DAB1: variants seen among roughly 807,000 people sequenced by gnomAD.
DAB1 encodes the protein DAB adaptor protein 1, also known as disabled homolog 1.
Under a neutral mutation model 64.6 loss-of-function variants are expected in DAB1, and 15 were observed. The ratio of observed to expected loss-of-function variants is 0.23; its 90% CI spans 0.16 to 0.36. The LOEUF (loss-of-function observed/expected upper bound fraction) is 0.36. DAB1 is among the 10% of genes least tolerant of loss of function. The probability of loss-of-function intolerance (pLI) is 1.00; values close to 1 mark genes in which losing one functional copy is unlikely to be tolerated. For missense variants in DAB1, 596 were observed against 706.7 expected, an observed-to-expected ratio of 0.84 and a Z score of 1.78; for synonymous variants, 235 against 251.9, an observed-to-expected ratio of 0.93 and a Z score of 0.64.
chr1:57,477,158 C>T (rs1322909962), intron 7 of DAB1, among the ~76,000 whole-genome samples: 1 of 152,176 alleles, frequency 6.6e-6, no homozygotes, highest in Non-Finnish European at 1.5e-5. Context: ...CACAGAAGGC[C>T]TTACAGGTGG....
intron 7 of DAB1, among the ~76,000 whole-genome samples, chr1:57,547,645 C>T (rs1644870518): frequency 6.6e-6 from 1 of 152,084 alleles, no homozygotes; most frequent in South Asian, 2.1e-4. Context: ...TTTTAACAAA[C>T]AAATATGCAC....
chr1:57,316,880 C>T (rs1342988228), intron 1 of DAB1, among the ~76,000 whole-genome samples: 2 of 152,184 alleles, frequency 1.3e-5, no homozygotes, highest in Non-Finnish European at 2.9e-5. Flanking sequence ...TGATCCCTGT[C>T]TAATAATATT....
At chr1:58,334,643 T>C (rs1311476875) in intron 4 of DAB1, among the ~76,000 whole-genome samples, 1 of 148,080 alleles carries the variant, frequency 6.8e-6, no homozygotes, top group East Asian at 2.0e-4. Flanking sequence ...TATCATATCA[T>C]ATCATATCAT....
intron 6 of DAB1, among the ~76,000 whole-genome samples, chr1:57,812,319 CAAAA>C (rs67005172): frequency 0.61 from 61,166 of 100,762 alleles, 14,626 homozygotes; most frequent in East Asian, 0.75. Context: ...GATTCATTGC[CAAAA>C]AAAAAAAAAA....
At chr1:57,250,839 C>A (rs1382336226) in intron 2 of DAB1, among the ~76,000 whole-genome samples, 1 of 152,128 alleles carries the variant, frequency 6.6e-6, no homozygotes, top group Non-Finnish European at 1.5e-5. Flanking sequence ...ACTTTTACTT[C>A]TCATTATATA....
At chr1:57,465,941 A>G (rs1291001756) in intron 7 of DAB1, among the ~76,000 whole-genome samples, 1 of 152,210 alleles carries the variant, frequency 6.6e-6, no homozygotes, top group Non-Finnish European at 1.5e-5. Flanking sequence ...AATGTTTTAT[A>G]TGCCAGCTGA....
chr1:58,531,823 C>T (rs1386080924), intron 1 of DAB1, among the ~76,000 whole-genome samples: 4 of 152,078 alleles, frequency 2.6e-5, no homozygotes, highest in Non-Finnish European at 5.9e-5. Flanking sequence ...TTTCTCCTGC[C>T]TCAGCCTCCC....
chr1:58,106,481 T>G (rs59081310), intron 5 of DAB1, among the ~76,000 whole-genome samples: 37,176 of 152,086 alleles, frequency 0.24, 5,286 homozygotes, highest in East Asian at 0.49. Context: ...TTTGTGCCTG[T>G]CCAGTGGTTT....
chr1:58,419,169 G>A (rs1315694179), intron 3 of DAB1, among the ~76,000 whole-genome samples: 1 of 152,104 alleles, frequency 6.6e-6, no homozygotes, highest in Non-Finnish European at 1.5e-5. Flanking sequence ...AGAGGCCCCT[G>A]GGTCTTAGCA....
In DAB1 at chr1:57,086,644, A is replaced by AACACACACACACAC. The variant is rs368060919; in HGVS notation, c.307-14244_307-14231dup. On this transcript the variant is annotated intron_variant, in intron 4 of 14. Transcript: ENST00000371236. ...AACAGGTGACAGGGGTTCTGTCTTA[A>AACACACACACACAC]ACACACACACACACACACACACACA... Among the ~76,000 whole-genome samples, 546 of 118,600 alleles carry AACACACACACACAC rather than the reference A, an allele frequency of 4.6e-3. 6 individuals are homozygous for AACACACACACACAC. Among genetic ancestry groups the AACACACACACACAC allele is most frequent in the African/African-American group, 0.015 (453 of 30,284 alleles). The allele number at this position is 118,600 out of a possible 152,430, so 77.8% of individuals were successfully genotyped here.
intron 7 of DAB1, among the ~76,000 whole-genome samples, chr1:57,503,269 A>G (rs60974713): frequency 6.6e-6 from 1 of 152,320 alleles, no homozygotes; most frequent in South Asian, 2.1e-4. Context: ...CTTCTCTTTC[A>G]TTGCCCTGGG....
At chr1:58,405,596 G>A (rs540298292) in intron 3 of DAB1, among the ~76,000 whole-genome samples, 17 of 152,238 alleles carry the variant, frequency 1.1e-4, no homozygotes, top group African/African-American at 4.1e-4. Context: ...CTGGGCTCAA[G>A]CGATCCACCT....
chr1:58,234,010 C>G (rs6682567), intron 4 of DAB1, among the ~76,000 whole-genome samples: 1,765 of 152,288 alleles, frequency 0.012, 35 homozygotes, highest in African/African-American at 0.04. Flanking sequence ...GAGCTCAGTT[C>G]TCTTCAATTA....
chr1:58,363,451 A>G (rs138933063), intron 3 of DAB1, among the ~76,000 whole-genome samples: 35 of 152,324 alleles, frequency 2.3e-4, no homozygotes, highest in African/African-American at 7.9e-4. Context: ...TGGTCTGTTA[A>G]TGGGGAGGGA....
intron 5 of DAB1, among the ~76,000 whole-genome samples, chr1:57,910,736 A>G (rs1156680364): frequency 6.6e-6 from 1 of 152,196 alleles, no homozygotes; most frequent in Non-Finnish European, 1.5e-5. Context: ...GCCACTTCCC[A>G]CCTGCCTCTA....
chr1:57,601,837 T>C (rs1645579112), intron 7 of DAB1, among the ~76,000 whole-genome samples: 1 of 152,176 alleles, frequency 6.6e-6, no homozygotes, highest in African/African-American at 2.4e-5. Flanking sequence ...TGTGTGTGTG[T>C]GTACAAGGCA....
intron 6 of DAB1, among the ~76,000 whole-genome samples, chr1:57,736,925 A>G (rs1298485905): frequency 6.6e-6 from 1 of 152,174 alleles, no homozygotes; most frequent in African/African-American, 2.4e-5. Context: ...GAGACAACCT[A>G]GGTGTGGACA....
chr1:57,456,068 T>C (rs1477132266), intron 7 of DAB1, among the ~76,000 whole-genome samples: 1 of 152,210 alleles, frequency 6.6e-6, no homozygotes, highest in Non-Finnish European at 1.5e-5. Context: ...TTTAAGAACA[T>C]ACAATCTAAC....
At chr1:57,219,869 A>G (rs1666722004) in intron 2 of DAB1, among the ~76,000 whole-genome samples, 1 of 152,156 alleles carries the variant, frequency 6.6e-6, no homozygotes, top group Non-Finnish European at 1.5e-5. Flanking sequence ...CAGCATTGAG[A>G]GACCCCTGAG....
Sources: allele counts gnomAD v4.1 joint callset (sites outside exome capture counted in the v4.1 genomes callset), GRCh38; gene constraint gnomAD v4.1.1; transcripts MANE v1.5; gene names NCBI Gene and HGNC (gene_info 2026-07-23, HGNC 2026-07-21).